Variants in SHANK2 observed in about 807,000 individuals in gnomAD.
The protein encoded by SHANK2 is SH3 and multiple ankyrin repeat domains 2, also known as SH3 and multiple ankyrin repeat domains protein 2.
In SHANK2, 43 loss-of-function variants were observed where a neutral mutation model predicts 133.7. That is an observed-to-expected ratio of 0.32 (90% CI 0.25 to 0.41). The LOEUF (loss-of-function observed/expected upper bound fraction) is 0.41. Ranked by LOEUF, SHANK2 falls within the 10% of genes least tolerant of loss-of-function variation. SHANK2 has a pLI of 1.00. For missense variants in SHANK2, 1,994 were observed against 2,235.8 expected, an observed-to-expected ratio of 0.89 and a Z score of 2.18; for synonymous variants, 1,017 against 952.8, an observed-to-expected ratio of 1.07 and a Z score of -1.24.
chr11:70,592,058 A>G (rs1333571317), intron 17 of SHANK2, among the ~76,000 whole-genome samples: 1 of 152,018 alleles, frequency 6.6e-6, no homozygotes, highest in Non-Finnish European at 1.5e-5. Flanking sequence ...AATAAAAAAT[A>G]AAAATAATAA....
chr11:70,538,261 C>T (rs2059569999), intron 17 of SHANK2, among the ~76,000 whole-genome samples: 1 of 152,230 alleles, frequency 6.6e-6, no homozygotes, highest in Non-Finnish European at 1.5e-5. Flanking sequence ...GCGCTGACCT[C>T]TTCCAAACAG....
intron 14 of SHANK2, among the ~76,000 whole-genome samples, chr11:70,747,155 G>C (rs1946658462): frequency 6.6e-6 from 1 of 151,962 alleles, no homozygotes; most frequent in South Asian, 2.1e-4. Flanking sequence ...CTCCGCTTGG[G>C]TTCACAGAAG....
intron 25 of SHANK2, among the ~76,000 whole-genome samples, chr11:70,481,663 CTCATT>C (rs1415491450): frequency 6.6e-6 from 1 of 152,200 alleles, no homozygotes; most frequent in African/African-American, 2.4e-5. Context: ...CCTAGAAAAA[CTCATT>C]TCTTTTTCCT....
At chr11:70,650,508 G>C (rs1292057624) in intron 17 of SHANK2, among the ~76,000 whole-genome samples, 4 of 152,118 alleles carry the variant, frequency 2.6e-5, no homozygotes, top group African/African-American at 9.7e-5. Context: ...TGCCACACAA[G>C]GGTTCAGCAC....
chr11:71,249,579 C>CCT (rs1948142363), intron 1 of SHANK2, among the ~76,000 whole-genome samples: 1 of 152,180 alleles, frequency 6.6e-6, no homozygotes, highest in Non-Finnish European at 1.5e-5. Flanking sequence ...GCAGGTAAGA[C>CCT]CTCAGGTGTC....
chr11:71,239,992 C>T (rs1344113047), intron 1 of SHANK2, among the ~76,000 whole-genome samples: 2 of 152,152 alleles, frequency 1.3e-5, no homozygotes, highest in African/African-American at 2.4e-5. Flanking sequence ...GCCAGAAAGC[C>T]GTCTGAATAT....
intron 17 of SHANK2, among the ~76,000 whole-genome samples, chr11:70,594,033 C>T (rs2060364540): frequency 6.6e-6 from 1 of 152,146 alleles, no homozygotes; most frequent in Non-Finnish European, 1.5e-5. Context: ...CAGATGTCCT[C>T]CAGGGCCTCT....
intron 14 of SHANK2, among the ~76,000 whole-genome samples, chr11:70,796,348 G>A (rs966683353): frequency 6.6e-5 from 10 of 152,208 alleles, no homozygotes; most frequent in African/African-American, 2.2e-4. Context: ...ATCCCCCTAC[G>A]CAGCAGCCCT....
At chr11:70,917,307 A>G (rs1358536601) in intron 10 of SHANK2, among the ~76,000 whole-genome samples, 1 of 152,234 alleles carries the variant, frequency 6.6e-6, no homozygotes, top group Non-Finnish European at 1.5e-5. Context: ...CAAAACCAGA[A>G]TAAGATACCA....
chr11:70,880,105 A>T (rs1180284138), intron 11 of SHANK2, among the ~76,000 whole-genome samples: 1 of 152,100 alleles, frequency 6.6e-6, no homozygotes, highest in African/African-American at 2.4e-5. Context: ...TAGCCTTGGG[A>T]TAGTTAGCCC....
chr11:70,892,069 A>G (rs532292882), intron 11 of SHANK2, among the ~76,000 whole-genome samples: 2 of 152,168 alleles, frequency 1.3e-5, no homozygotes, highest in South Asian at 4.1e-4. Context: ...CCCTCGTGAG[A>G]GACCACTGTG....
intron 17 of SHANK2, among the ~76,000 whole-genome samples, chr11:70,545,224 C>T (rs554142695): frequency 7.9e-5 from 12 of 152,338 alleles, no homozygotes; most frequent in African/African-American, 2.9e-4. Flanking sequence ...GCTCCTAATC[C>T]GGCTGGCCGG....
intron 14 of SHANK2, among the ~76,000 whole-genome samples, chr11:70,781,321 G>A (rs1947481229): frequency 1.3e-5 from 2 of 151,686 alleles, no homozygotes; most frequent in Admixed American, 1.3e-4. Flanking sequence ...GCACTGGCTG[G>A]TGTTGGAATC....
At chr11:71,218,421 G>A (rs1334910293) in intron 2 of SHANK2, among the ~76,000 whole-genome samples, 6 of 151,936 alleles carry the variant, frequency 3.9e-5, no homozygotes, top group African/African-American at 1.2e-4. Flanking sequence ...GTGCCACCAC[G>A]CCCAGCTAAT....
Position 70,600,507 on chromosome 11 carries a change from G to A in SHANK2, c.2061+59321C>T, listed in dbSNP as rs146305493. On this transcript the variant is annotated intron_variant, in intron 17 of 25. Coordinates refer to ENST00000601538, the MANE Select transcript of SHANK2 (RefSeq NM_012309.5). ...GCATATGGAAATGTAAAGAGCCAAC[G>A]ATTGCTCAAATAATCCTGAAGAGAT... Among the ~76,000 whole-genome samples the A allele has an allele frequency of 1.5e-3, 227 of 151,816 alleles. 3 individuals carry two copies. The East Asian group carries it at 0.038, about 26-fold the overall frequency.
intron 17 of SHANK2, among the ~76,000 whole-genome samples, chr11:70,606,152 C>G (rs1554992350): frequency 1.3e-5 from 2 of 152,092 alleles, no homozygotes; most frequent in Non-Finnish European, 2.9e-5. Flanking sequence ...AGCAAAGACC[C>G]CACTCAAAAA....
At chr11:71,108,484 G>T (rs549596109) in intron 6 of SHANK2, among the ~76,000 whole-genome samples, 1 of 152,092 alleles carries the variant, frequency 6.6e-6, no homozygotes. Context: ...ACATGCCCTT[G>T]TCCCAATCAC....
At chr11:71,066,098 GTGT>G (rs1951055534) in intron 9 of SHANK2, among the ~76,000 whole-genome samples, 1 of 29,480 alleles carries the variant, frequency 3.4e-5, no homozygotes, top group Non-Finnish European at 6.5e-5. Flanking sequence ...GGTGGGGGGG[GTGT>G]GTGCAGAACT....
chr11:70,908,732 G>A (rs1277644579), intron 10 of SHANK2, among the ~76,000 whole-genome samples: 2 of 152,224 alleles, frequency 1.3e-5, no homozygotes, highest in African/African-American at 4.8e-5. Context: ...GGGAAATGCT[G>A]AACCAGGGGT....
Sources: gnomAD v4.1 joint callset for allele counts (sites outside exome capture counted in the v4.1 genomes callset) on GRCh38, gnomAD v4.1.1 for gene constraint, MANE v1.5 for transcripts, NCBI Gene and HGNC (gene_info 2026-07-23, HGNC 2026-07-21) for gene names.